Variants in CORO2A observed in about 807,000 individuals in gnomAD.
The protein encoded by CORO2A is coronin 2A, also known as coronin-2A.
Under a neutral mutation model 62.4 loss-of-function variants are expected in CORO2A, and 47 were observed. The observed-to-expected ratio is 0.75, with a 90% CI of 0.60 to 0.96. The LOEUF (loss-of-function observed/expected upper bound fraction) is 0.96, where lower values mean the gene tolerates loss of function less well. Ranked by LOEUF, CORO2A falls within the 40% of genes least tolerant of loss-of-function variation. The probability of loss-of-function intolerance (pLI) is 0.00; values close to 1 mark genes in which losing one functional copy is unlikely to be tolerated. For synonymous variants in CORO2A, 273 were observed against 268.9 expected (o/e 1.02, Z -0.15); for missense variants, 610 against 684.1 (o/e 0.89, Z 1.21).
rs756277395 is a variant in CORO2A at position 98,126,656 on chromosome 9, C to A, written c.1339G>T (p.Glu447Ter). ...TCTGCTGCCCACCTTGGCATCTTCT[C>A]CTCCAACAGGGAGGAAGACCTCCAG... is the stretch of plus-strand genomic sequence containing the variant. ...DGWRSSSLLE[E>*]KMPRWAAEHR... The change falls in exon 11 of 12, where the codon GAG becomes TAG. Residue 447 changes from glutamate (E) to a stop codon, truncating the protein, a stop_gained. Coordinates refer to ENST00000375077, the MANE Select transcript of CORO2A (RefSeq NM_052820.4). LOFTEE classifies it high-confidence loss of function. 13 of 1,614,128 alleles carry A rather than the reference C, an allele frequency of 8.1e-6. No individual in the cohort carries two copies. The Admixed American group carries it at 2.0e-4, about 25-fold the overall frequency.
At position 98,126,730 on chromosome 9, in the gene CORO2A, G is replaced by T. The variant is rs761409495; in HGVS notation, c.1265C>A (p.Ala422Asp). 2.4e-5 allele frequency: 38 copies of T among 1,614,200 alleles called. No individual in the cohort carries two copies. Among genetic ancestry groups the T allele is most frequent in the Middle Eastern group, 3.3e-4 (2 of 6,062 alleles). The change falls in exon 11 of 12, where the codon GCC (alanine) becomes GAC (aspartate). Residue 422 changes from alanine (A) to aspartate (D), a missense_variant. Physicochemically the swap from Ala to Asp is moderately radical, Grantham distance 126. Transcript: ENST00000375077. ...TGTCTGATTCAAGAGCCGGGGTGAG[G>T]CTGGGGCCATGGAATTGAAGATAGG... is the stretch of plus-strand genomic sequence containing the variant. ...ERPIFNSMAP[A>D]SPRLLNQTEK...
intron 1 of CORO2A, among the ~76,000 whole-genome samples, chr9:98,165,316 C>T (rs1474143219): frequency 1.3e-5 from 2 of 152,136 alleles, no homozygotes; most frequent in Non-Finnish European, 2.9e-5. Context: ...AAGTTGTCTG[C>T]GAGAGAGGAG....
chr9:98,177,898 T>G (rs185299735), intron 1 of CORO2A, among the ~76,000 whole-genome samples: 57 of 152,302 alleles, frequency 3.7e-4, no homozygotes, highest in Non-Finnish European at 7.1e-4. Flanking sequence ...TCCCCTAACA[T>G]AAACAAACAA....
At chr9:98,146,920 G>C (rs574419131) in intron 2 of CORO2A, among the ~76,000 whole-genome samples, 1 of 152,280 alleles carries the variant, frequency 6.6e-6, no homozygotes, top group African/African-American at 2.4e-5. Context: ...GTCTGTGCAG[G>C]TAAGTGCTAT....
At chr9:98,177,945 C>CT (rs746864662) in intron 1 of CORO2A, among the ~76,000 whole-genome samples, 1 of 152,192 alleles carries the variant, frequency 6.6e-6, no homozygotes, top group Non-Finnish European at 1.5e-5. Context: ...GACTTATTAG[C>CT]TTGTCACTGT....
chr9:98,165,515 A>G (rs769489966), intron 1 of CORO2A, among the ~76,000 whole-genome samples: 4 of 152,246 alleles, frequency 2.6e-5, no homozygotes, highest in Non-Finnish European at 5.9e-5. Context: ...CGGAGGGGTC[A>G]GAGATGAATA....
chr9:98,142,685 G>T (rs1013745649), intron 2 of CORO2A, among the ~76,000 whole-genome samples: 6 of 151,942 alleles, frequency 3.9e-5, no homozygotes, highest in African/African-American at 1.5e-4. Context: ...ACAGACTCAG[G>T]GAAGGCGCCT....
At chr9:98,152,845 T>A (rs1351278246) in intron 2 of CORO2A, among the ~76,000 whole-genome samples, 1 of 152,118 alleles carries the variant, frequency 6.6e-6, no homozygotes, top group Non-Finnish European at 1.5e-5. Flanking sequence ...AATGTTAATA[T>A]CATGAAGTGA....
At position 98,121,893 on chromosome 9, in the gene CORO2A, GCCTTCTTTTC is replaced by G. The variant is rs1827249357; in HGVS notation, c.*2871_*2880del. On this transcript the variant is annotated 3_prime_UTR_variant, in exon 12 of 12. Transcript: ENST00000375077. ...CTGCCCTGACAATGCCTGGGATTTG[GCCTTCTTTTC>G]TGGAGCACACTAAGGCAATCTTGGC... is the stretch of plus-strand genomic sequence containing the variant. 6.6e-6 allele frequency: 1 copy of G among 152,230 alleles called. No individual in the cohort carries two copies. The highest frequency in any genetic ancestry group is 1.5e-5 in the Non-Finnish European group (1 of 68,090). The allele number at this position is 152,230 out of a possible 1,614,324, so 9.4% of individuals were successfully genotyped here. A position where few individuals can be genotyped will look rare whatever the true frequency, so the allele number is the denominator to read the frequency against.
At chr9:98,153,076 A>G (rs1827749214) in intron 2 of CORO2A, among the ~76,000 whole-genome samples, 1 of 152,296 alleles carries the variant, frequency 6.6e-6, no homozygotes. Flanking sequence ...ATTTGGGGGT[A>G]AAGGGTCATC....
At chr9:98,139,284 C>T (rs1319112623) in intron 2 of CORO2A, among the ~76,000 whole-genome samples, 3 of 151,688 alleles carry the variant, frequency 2.0e-5, no homozygotes, top group Non-Finnish European at 2.9e-5. Flanking sequence ...CACCTTAAAA[C>T]GGTGAATTTT....
rs528739178 is a variant in CORO2A, at chr9:98,125,071, C to T, written c.1447-166G>A. 1.1e-4 allele frequency among the ~76,000 whole-genome samples: 17 copies of T among 152,304 alleles called. No individual in the cohort carries two copies. In the South Asian group the frequency reaches 3.5e-3, roughly 32 times the overall value. On this transcript the variant is annotated intron_variant, in intron 11 of 11. Coordinates refer to ENST00000375077, the MANE Select transcript of CORO2A (RefSeq NM_052820.4). Reference sequence around the variant, plus strand: ...AGATCTTTTACAAACACCTTGTTTACTTCACCCAATAAATGAAATTCAAGA... The same window carrying T: ...AGATCTTTTACAAACACCTTGTTTATTTCACCCAATAAATGAAATTCAAGA...
At chr9:98,138,920 G>A (rs1234806114) in intron 2 of CORO2A, among the ~76,000 whole-genome samples, 2 of 151,858 alleles carry the variant, frequency 1.3e-5, no homozygotes, top group African/African-American at 2.4e-5. Flanking sequence ...GGTGGTGCAC[G>A]CCTGTAGTCC....
intron 2 of CORO2A, among the ~76,000 whole-genome samples, chr9:98,144,360 G>C (rs1413617318): frequency 6.6e-6 from 1 of 152,154 alleles, no homozygotes; most frequent in Non-Finnish European, 1.5e-5. Flanking sequence ...GGCTCAGAGA[G>C]GTTGACAATC....
At chr9:98,166,944 T>TAAA (rs35394733) in intron 1 of CORO2A, among the ~76,000 whole-genome samples, 2 of 148,278 alleles carry the variant, frequency 1.3e-5, no homozygotes, top group African/African-American at 4.9e-5. Context: ...CTGCTAGAAA[T>TAAA]AAAAAAAAAA....
rs982274540 is a variant in CORO2A, at chr9:98,121,433, G to A, written c.*3341C>T. Reference sequence around the variant, plus strand: ...AAACAAAAATGTAATTTAAAAAACAGATGGTTTAAAAAAATATCTGATAAA... The same window carrying A: ...AAACAAAAATGTAATTTAAAAAACAAATGGTTTAAAAAAATATCTGATAAA... On this transcript the variant is annotated 3_prime_UTR_variant, in exon 12 of 12. Coordinates refer to ENST00000375077, the MANE Select transcript of CORO2A (RefSeq NM_052820.4). 6.6e-6 allele frequency: 1 copy of A among 151,962 alleles called. No individual in the cohort carries two copies. Among genetic ancestry groups the A allele is most frequent in the Admixed American group, 6.6e-5 (1 of 15,246 alleles). 9.4% of individuals were successfully genotyped at this position (151,962 alleles called of 1,614,324 possible).
intron 10 of CORO2A, 31 bp from the exon 11 acceptor site, chr9:98,126,854 G>A: frequency 6.2e-7 from 1 of 1,613,320 alleles, no homozygotes; most frequent in Non-Finnish European, 8.5e-7. Context: ...TGTGAGGACG[G>A]GGTGCCCACG....
Position 98,157,478 on chromosome 9 carries a change from G to T in CORO2A, c.183C>A (p.Leu61=). The change falls in exon 2 of 12, where the codon CTC becomes CTA. Residue 61 remains leucine (L), a synonymous_variant. Coordinates refer to ENST00000375077, the MANE Select transcript of CORO2A (RefSeq NM_052820.4). ...VTECAGGGAF[L]VIPLHQTGKL... ...TCCTTACCTGGTGCAGGGGGATGAC[G>T]AGGAAGGCCCCTCCACCAGCACACT... 2 of 1,614,176 alleles carry T rather than the reference G, an allele frequency of 1.2e-6. No individual in the cohort carries two copies. The highest frequency in any genetic ancestry group is 1.7e-6 in the Non-Finnish European group (2 of 1,180,028).
In CORO2A at chr9:98,128,672, G is replaced by C. The variant is rs73655194; in HGVS notation, c.1015C>G (p.Arg339Gly). 1.9e-5 allele frequency: 31 copies of C among 1,614,098 alleles called. No homozygotes were observed. Among genetic ancestry groups the C allele is most frequent in the Non-Finnish European group, 2.5e-5 (30 of 1,180,042 alleles). ...TTGGTTGTGATCAGCTTGTAGAAGC[G>C]GAAGATCTCGCAGGAGGACACGTCG... is the stretch of plus-strand genomic sequence containing the variant. ...GLDVSSCEIF[R>G]FYKLITTKSL... The change falls in exon 9 of 12, where the codon CGC (arginine) becomes GGC (glycine). Residue 339 changes from arginine to glycine, a missense_variant. Arg to Gly is a moderately radical substitution (Grantham distance 125). Coordinates refer to ENST00000375077, the MANE Select transcript of CORO2A (RefSeq NM_052820.4).
Sources: gnomAD v4.1 joint callset for allele counts (sites outside exome capture counted in the v4.1 genomes callset) on GRCh38, gnomAD v4.1.1 for gene constraint, MANE v1.5 for transcripts, NCBI Gene and HGNC (gene_info 2026-07-23, HGNC 2026-07-21) for gene names.